Variants in CCDC102B observed in about 807,000 individuals in gnomAD.
CCDC102B encodes coiled-coil domain-containing protein 102B.
Under a neutral mutation model 57.4 loss-of-function variants are expected in CCDC102B, and 75 were observed. The observed-to-expected ratio is 1.31, with a 90% CI of 1.08 to 1.58. The LOEUF is 1.58. CCDC102B is among the 40% of genes most tolerant of loss of function. The pLI, the probability that CCDC102B is intolerant of heterozygous loss-of-function variation, is 0.00. For missense variants in CCDC102B, 636 were observed against 582.6 expected (o/e 1.09, Z -0.94); for synonymous variants, 206 against 201.9 (o/e 1.02, Z -0.17).
intron 4 of CCDC102B, among the ~76,000 whole-genome samples, chr18:68,863,393 A>T (rs989313724): frequency 2.6e-5 from 4 of 151,910 alleles, no homozygotes; most frequent in Non-Finnish European, 4.4e-5. Flanking sequence ...TTTCATAGAA[A>T]TGTGTCAGTG....
chr18:68,789,243 C>T (rs1420361402), intron 2 of CCDC102B, among the ~76,000 whole-genome samples: 1 of 152,138 alleles, frequency 6.6e-6, no homozygotes, highest in African/African-American at 2.4e-5. Flanking sequence ...CCCGACCTTT[C>T]TCTCTGGCTG....
intron 2 of CCDC102B, among the ~76,000 whole-genome samples, chr18:68,755,312 A>G (rs1298723676): frequency 3.3e-5 from 5 of 152,244 alleles, no homozygotes; most frequent in Middle Eastern, 3.4e-3. Flanking sequence ...ATCATTATTT[A>G]GCTCAGCCTG....
chr18:68,831,895 C>T (rs1256830554), intron 1 of CCDC102B, among the ~76,000 whole-genome samples: 1 of 152,052 alleles, frequency 6.6e-6, no homozygotes, highest in East Asian at 1.9e-4. Flanking sequence ...ATCATTTGTG[C>T]ATGTTTGACA....
intron 2 of CCDC102B, among the ~76,000 whole-genome samples, chr18:68,771,907 C>CACAT (rs1555699095): frequency 6.6e-6 from 1 of 151,404 alleles, no homozygotes; most frequent in Admixed American, 6.6e-5. Flanking sequence ...CACACACACA[C>CACAT]ATCTTCTGGA....
intron 1 of CCDC102B, among the ~76,000 whole-genome samples, chr18:68,836,448 T>C (rs561276272): frequency 6.6e-6 from 1 of 151,974 alleles, no homozygotes; most frequent in Middle Eastern, 3.4e-3. Context: ...GCCAACATGG[T>C]GAAACCCCAT....
chr18:68,831,261 G>A (rs1446800012), intron 1 of CCDC102B, among the ~76,000 whole-genome samples: 1 of 151,986 alleles, frequency 6.6e-6, no homozygotes, highest in African/African-American at 2.4e-5. Context: ...CTAAAGGAAA[G>A]GCATCACATA....
intron 2 of CCDC102B, among the ~76,000 whole-genome samples, chr18:68,784,135 A>G (rs1232023146): frequency 6.6e-6 from 1 of 152,184 alleles, no homozygotes; most frequent in Non-Finnish European, 1.5e-5. Context: ...CTGTAAAGAA[A>G]TGCCTGGGAC....
At chr18:68,723,456 C>T (rs1373332294) in intron 2 of CCDC102B, among the ~76,000 whole-genome samples, 1 of 152,184 alleles carries the variant, frequency 6.6e-6, no homozygotes, top group Non-Finnish European at 1.5e-5. Context: ...TCCCTTCCAC[C>T]TATCAGCCTG....
chr18:68,778,322 T>C (rs1475514322), intron 2 of CCDC102B, among the ~76,000 whole-genome samples: 1 of 152,146 alleles, frequency 6.6e-6, no homozygotes, highest in African/African-American at 2.4e-5. Context: ...CATCAACTAA[T>C]TTGCTCTTTA....
At chr18:68,747,354 T>C (rs912116979) in intron 2 of CCDC102B, among the ~76,000 whole-genome samples, 1 of 152,098 alleles carries the variant, frequency 6.6e-6, no homozygotes, top group Non-Finnish European at 1.5e-5. Context: ...TCCTGTCTTA[T>C]TTTACTTAAC....
intron 6 of CCDC102B, among the ~76,000 whole-genome samples, chr18:68,930,633 C>T (rs1012509382): frequency 6.6e-6 from 1 of 151,908 alleles, no homozygotes; most frequent in South Asian, 2.1e-4. Flanking sequence ...AACTACTATA[C>T]TCTTCACAAA....
intron 5 of CCDC102B, among the ~76,000 whole-genome samples, chr18:68,884,592 A>G (rs2039811880): frequency 6.6e-6 from 1 of 151,590 alleles, no homozygotes; most frequent in African/African-American, 2.4e-5. Context: ...ATACACACAC[A>G]CACACACACA....
intron 7 of CCDC102B, among the ~76,000 whole-genome samples, chr18:69,013,046 T>A (rs2051562348): frequency 6.6e-6 from 1 of 152,066 alleles, no homozygotes; most frequent in Non-Finnish European, 1.5e-5. Context: ...AAAAAAACAT[T>A]ATATCAAAAA....
intron 2 of CCDC102B, among the ~76,000 whole-genome samples, chr18:68,788,619 A>G (rs1196151774): frequency 1.3e-5 from 2 of 149,328 alleles, no homozygotes; most frequent in African/African-American, 2.5e-5. Flanking sequence ...TTGTTGGTTT[A>G]AAGTCTGTTT....
intron 1 of CCDC102B, among the ~76,000 whole-genome samples, chr18:68,814,804 A>G (rs1053272237): frequency 6.6e-6 from 1 of 152,104 alleles, no homozygotes; most frequent in African/African-American, 2.4e-5. Flanking sequence ...TTCATTTGCA[A>G]TGAAAACAAG....
chr18:68,920,043 G>T (rs2041220003), intron 6 of CCDC102B, among the ~76,000 whole-genome samples: 1 of 152,050 alleles, frequency 6.6e-6, no homozygotes, highest in East Asian at 1.9e-4. Flanking sequence ...GGGATTTGTT[G>T]TCCAGGATAT....
intron 1 of CCDC102B, among the ~76,000 whole-genome samples, chr18:68,807,271 AAATTT>A (rs1275643895): frequency 6.6e-6 from 1 of 152,170 alleles, no homozygotes; most frequent in Non-Finnish European, 1.5e-5. Context: ...TAATTTAAGA[AAATTT>A]AACAGGTGTG....
intron 7 of CCDC102B, among the ~76,000 whole-genome samples, chr18:69,026,188 G>A (rs533287759): frequency 8.5e-5 from 13 of 152,262 alleles, no homozygotes; most frequent in African/African-American, 2.6e-4. Context: ...CAGTCTTGCC[G>A]GGCACGGTGG....
At chr18:68,920,208 C>T (rs1213473266) in intron 6 of CCDC102B, among the ~76,000 whole-genome samples, 1 of 152,094 alleles carries the variant, frequency 6.6e-6, no homozygotes, top group Non-Finnish European at 1.5e-5. Context: ...TAAGTGAGAA[C>T]ATCCAGTGTT....
Sources: allele counts gnomAD v4.1 joint callset (sites outside exome capture counted in the v4.1 genomes callset), GRCh38; gene constraint gnomAD v4.1.1; transcripts MANE v1.5; gene names NCBI Gene and HGNC (gene_info 2026-07-23, HGNC 2026-07-21).